The following WDR70 variants were observed in gnomAD, a reference collection of about 807,000 sequenced individuals.
WDR70 encodes the protein WD repeat-containing protein 70.
A neutral mutation model predicts 88.6 loss-of-function variants in WDR70; 53 were observed. The observed-to-expected ratio is 0.60, with a 90% CI of 0.48 to 0.75. The LOEUF is 0.75. WDR70 is among the 30% of genes least tolerant of loss of function. The pLI, the probability that WDR70 is intolerant of heterozygous loss-of-function variation, is 0.00. For missense variants in WDR70, 610 were observed against 823.2 expected, an observed-to-expected ratio of 0.74 and a Z score of 3.17; for synonymous variants, 280 against 270.0, an observed-to-expected ratio of 1.04 and a Z score of -0.36.
intron 5 of WDR70, among the ~76,000 whole-genome samples, chr5:37,436,637 A>T (rs1192052354): frequency 6.6e-6 from 1 of 152,158 alleles, no homozygotes; most frequent in African/African-American, 2.4e-5. Context: ...GAATAAAATG[A>T]TAAATGCCAA....
At chr5:37,635,620 A>C (rs1744940365) in intron 10 of WDR70, among the ~76,000 whole-genome samples, 1 of 152,214 alleles carries the variant, frequency 6.6e-6, no homozygotes, top group Admixed American at 6.5e-5. Context: ...AATCTCAGTG[A>C]GAAAAATTTC....
At chr5:37,409,199 A>G (rs1749447363) in intron 5 of WDR70, among the ~76,000 whole-genome samples, 1 of 152,154 alleles carries the variant, frequency 6.6e-6, no homozygotes, top group Admixed American at 6.6e-5. Flanking sequence ...TCGGCCTCCT[A>G]AAGTGCTGGG....
At chr5:37,527,838 C>G (rs1207656882) in intron 9 of WDR70, among the ~76,000 whole-genome samples, 1 of 152,158 alleles carries the variant, frequency 6.6e-6, no homozygotes, top group African/African-American at 2.4e-5. Flanking sequence ...AGACACTTCT[C>G]AAAAGAAGTC....
chr5:37,472,185 C>T (rs1561865126), intron 7 of WDR70, among the ~76,000 whole-genome samples: 1 of 151,812 alleles, frequency 6.6e-6, no homozygotes, highest in East Asian at 1.9e-4. Flanking sequence ...TTCTTAAAGC[C>T]TTGACTTGAA....
In WDR70 at chr5:37,726,920, C is replaced by G. The variant is rs1411119633; in HGVS notation, c.1752C>G (p.Leu584=). 4 of 1,602,750 alleles carry G rather than the reference C, an allele frequency of 2.5e-6. No homozygotes were observed. Among genetic ancestry groups the G allele is most frequent in the East Asian group, 4.5e-5 (2 of 44,778 alleles). The change falls in exon 17 of 18, where the codon CTC becomes CTG. Residue 584 remains leucine, a synonymous_variant. Coordinates refer to ENST00000265107, the MANE Select transcript of WDR70 (RefSeq NM_018034.4). ...GAGTTGGAACCCACGGGGGCACTCT[C>G]TCTTCCTATATTGTGAAGAACATTG... ...GGRVGTHGGT[L]SSYIVKNIAL... is the part of the protein sequence containing the mutation.
intron 9 of WDR70, among the ~76,000 whole-genome samples, chr5:37,529,594 A>G (rs544286415): frequency 1.3e-5 from 2 of 152,024 alleles, no homozygotes; most frequent in East Asian, 3.9e-4. Flanking sequence ...CTATTGTGAA[A>G]GTGGTTGAGT....
At chr5:37,658,251 G>A (rs1517786) in intron 10 of WDR70, among the ~76,000 whole-genome samples, 1 of 151,454 alleles carries the variant, frequency 6.6e-6, no homozygotes, top group South Asian at 2.1e-4. Flanking sequence ...ATAAGTAGAC[G>A]CTGCAGTTCA....
At chr5:37,642,561 C>A (rs1829294) in intron 10 of WDR70, among the ~76,000 whole-genome samples, 16,063 of 152,046 alleles carry the variant, frequency 0.11, 2,723 homozygotes, top group African/African-American at 0.36. Flanking sequence ...ATCAGTTTGG[C>A]AAAAGCTCCA....
intron 9 of WDR70, among the ~76,000 whole-genome samples, chr5:37,522,286 A>G (rs540208110): frequency 1.3e-5 from 2 of 151,954 alleles, no homozygotes; most frequent in African/African-American, 4.8e-5. Context: ...CCTAGTTAAC[A>G]CAGTGAAACC....
intron 10 of WDR70, among the ~76,000 whole-genome samples, chr5:37,612,896 CA>C (rs1744226528): frequency 6.6e-6 from 1 of 152,196 alleles, no homozygotes; most frequent in African/African-American, 2.4e-5. Context: ...AGTGCTTTAA[CA>C]TGCCTATTTT....
intron 5 of WDR70, 55 bp from the exon 6 acceptor site, chr5:37,437,867 G>A: frequency 6.6e-7 from 1 of 1,526,436 alleles, no homozygotes; most frequent in Non-Finnish European, 8.9e-7. Flanking sequence ...GTGTTGTGTA[G>A]TTCCCCACAA....
chr5:37,443,572 G>T, intron 7 of WDR70, among the ~76,000 whole-genome samples, 200 bp downstream of exon 7: 1 of 152,180 alleles, frequency 6.6e-6, no homozygotes, highest in East Asian at 1.9e-4. Context: ...TATATTTTAG[G>T]CTGGGCGCGG....
chr5:37,534,801 A>G (rs892790335), intron 9 of WDR70, among the ~76,000 whole-genome samples: 1 of 152,168 alleles, frequency 6.6e-6, no homozygotes, highest in African/African-American at 2.4e-5. Flanking sequence ...TTCTTCAGCC[A>G]TAGTTCTGTG....
intron 9 of WDR70, among the ~76,000 whole-genome samples, chr5:37,551,215 G>A (rs2112349088): frequency 6.6e-6 from 1 of 152,082 alleles, no homozygotes; most frequent in South Asian, 2.1e-4. Context: ...CGAGGCAGGA[G>A]AATCACTTGA....
At chr5:37,380,849 A>ATG (rs1035805819) in intron 2 of WDR70, among the ~76,000 whole-genome samples, 2 of 152,068 alleles carry the variant, frequency 1.3e-5, no homozygotes, top group Admixed American at 6.6e-5. Context: ...AGGTTTCACC[A>ATG]TGTTGCCCAG....
intron 9 of WDR70, among the ~76,000 whole-genome samples, chr5:37,549,400 T>C (rs538708686): frequency 6.6e-6 from 1 of 152,346 alleles, no homozygotes; most frequent in South Asian, 2.1e-4. Context: ...GTGTGGCTAC[T>C]GTAAATGAGA....
At chr5:37,551,077 G>A (rs1742129829) in intron 9 of WDR70, among the ~76,000 whole-genome samples, 1 of 152,122 alleles carries the variant, frequency 6.6e-6, no homozygotes, top group Non-Finnish European at 1.5e-5. Flanking sequence ...GGCGAGGCAG[G>A]TGGATCACCT....
chr5:37,604,424 T>C (rs1743972266), intron 9 of WDR70, among the ~76,000 whole-genome samples: 1 of 152,184 alleles, frequency 6.6e-6, no homozygotes, highest in Non-Finnish European at 1.5e-5. Flanking sequence ...TCCCTCTGGG[T>C]CTTGTGGTGT....
intron 3 of WDR70, among the ~76,000 whole-genome samples, chr5:37,383,503 C>G (rs1748497320): frequency 6.6e-6 from 1 of 151,998 alleles, no homozygotes; most frequent in African/African-American, 2.4e-5. Context: ...CTCAGGTGAT[C>G]CGCCCGCCTC....
Sources: allele counts gnomAD v4.1 joint callset (sites outside exome capture counted in the v4.1 genomes callset), GRCh38; gene constraint gnomAD v4.1.1; transcripts MANE v1.5; gene names NCBI Gene and HGNC (gene_info 2026-07-23, HGNC 2026-07-21).